FOXP2: variants seen among roughly 807,000 people sequenced by gnomAD.
FOXP2 encodes forkhead box P2, also known as forkhead box protein P2.
Under a neutral mutation model 115.8 loss-of-function variants are expected in FOXP2, and 12 were observed. That is an observed-to-expected ratio of 0.10 (90% CI 0.07 to 0.17). The LOEUF is 0.17. FOXP2 is among the 10% of genes least tolerant of loss of function. The pLI, the probability that FOXP2 is intolerant of heterozygous loss-of-function variation, is 1.00. For synonymous variants in FOXP2, 328 were observed against 297.7 expected, an observed-to-expected ratio of 1.10 and a Z score of -1.05; for missense variants, 629 against 843.5, an observed-to-expected ratio of 0.75 and a Z score of 3.15.
intron 6 of FOXP2, among the ~76,000 whole-genome samples, chr7:114,635,951 CT>C (rs1487011612): frequency 6.6e-6 from 1 of 152,114 alleles, no homozygotes; most frequent in East Asian, 1.9e-4. Context: ...CCAGAAGTTC[CT>C]TCTTTGGAGA....
chr7:114,646,682 T>C (rs1805920409), intron 8 of FOXP2, among the ~76,000 whole-genome samples: 1 of 152,034 alleles, frequency 6.6e-6, no homozygotes, highest in African/African-American at 2.4e-5. Flanking sequence ...TGATAAATTC[T>C]GTTAACAGAG....
intron 1 of FOXP2, among the ~76,000 whole-genome samples, chr7:114,220,288 C>T (rs111318239): frequency 2.6e-5 from 4 of 151,782 alleles, no homozygotes; most frequent in South Asian, 4.2e-4. Context: ...ATAAACCTAC[C>T]GAATTATACA....
intron 2 of FOXP2, among the ~76,000 whole-genome samples, chr7:114,481,812 A>C (rs202156142): frequency 8.5e-4 from 106 of 125,226 alleles, no homozygotes; most frequent in African/African-American, 1.2e-3. Context: ...ATCTATCTAT[A>C]TATCTATCTA....
intron 2 of FOXP2, among the ~76,000 whole-genome samples, chr7:114,523,192 A>T (rs1316395840): frequency 6.6e-6 from 1 of 152,172 alleles, no homozygotes; most frequent in Non-Finnish European, 1.5e-5. Flanking sequence ...TTATTCAGAG[A>T]TCATCAATGA....
At chr7:114,565,930 T>C (rs1157062075) in intron 3 of FOXP2, among the ~76,000 whole-genome samples, 1 of 152,202 alleles carries the variant, frequency 6.6e-6, no homozygotes, top group Non-Finnish European at 1.5e-5. Context: ...TTTTCAAGTA[T>C]GATTTCTCTT....
At chr7:114,642,299 G>A in intron 6 of FOXP2, 111 bp from the exon 7 acceptor site, 1 of 809,668 alleles carries the variant, frequency 1.2e-6, no homozygotes, top group Non-Finnish European at 2.1e-6. Flanking sequence ...ATTAATTTAT[G>A]CAGGTAACAT....
At chr7:114,189,106 T>C (rs1469548805) in intron 1 of FOXP2, among the ~76,000 whole-genome samples, 1 of 152,174 alleles carries the variant, frequency 6.6e-6, no homozygotes, top group South Asian at 2.1e-4. Flanking sequence ...CTTCCTTTCA[T>C]CTGCTACACC....
intron 1 of FOXP2, among the ~76,000 whole-genome samples, chr7:114,256,783 A>G (rs1358012387): frequency 6.6e-6 from 1 of 152,248 alleles, no homozygotes; most frequent in African/African-American, 2.4e-5. Flanking sequence ...ACTCTGCTCA[A>G]GGAAATCAGA....
intron 2 of FOXP2, among the ~76,000 whole-genome samples, chr7:114,524,345 T>C (rs905155008): frequency 1.3e-5 from 2 of 152,214 alleles, no homozygotes; most frequent in African/African-American, 2.4e-5. Context: ...GAATTATTTA[T>C]GTTGTTCTAG....
rs751020343 is a variant in FOXP2, at chr7:114,426,689, G to C, written c.168+10G>C. ...TCTGCAACAACAGCAGGTAAGTTTTGTTTTCCTCAGTGCTTCCTTAAAACA... is the reference window on the plus strand; with the variant it reads ...TCTGCAACAACAGCAGGTAAGTTTTCTTTTCCTCAGTGCTTCCTTAAAACA... On this transcript the variant is annotated intron_variant, in intron 2 of 16. Transcript: ENST00000350908. 1.9e-6 allele frequency: 3 copies of C among 1,610,198 alleles called. No homozygotes were observed. The highest frequency in any genetic ancestry group is 2.5e-6 in the Non-Finnish European group (3 of 1,177,514).
chr7:114,585,693 C>G (rs1029045138), intron 3 of FOXP2, among the ~76,000 whole-genome samples: 6 of 151,936 alleles, frequency 3.9e-5, no homozygotes, highest in Admixed American at 3.3e-4. Flanking sequence ...GATGAAACCC[C>G]GTCTCTACCA....
chr7:114,464,554 T>G (rs1410402899), intron 2 of FOXP2, among the ~76,000 whole-genome samples: 2 of 152,202 alleles, frequency 1.3e-5, no homozygotes, highest in Non-Finnish European at 2.9e-5. Flanking sequence ...TAGATCATAA[T>G]TAGTTGAACA....
chr7:114,677,180 A>AAAAAC (rs1554443473), intron 16 of FOXP2, among the ~76,000 whole-genome samples: 42 of 147,996 alleles, frequency 2.8e-4, no homozygotes, highest in Non-Finnish European at 3.7e-4. Flanking sequence ...AACAAAAAAA[A>AAAAAC]AAAAAACAAA....
chr7:114,458,323 A>T (rs1795408907), intron 2 of FOXP2, among the ~76,000 whole-genome samples: 1 of 151,994 alleles, frequency 6.6e-6, no homozygotes, highest in African/African-American at 2.4e-5. Context: ...TGATTGTAAG[A>T]ATTTGCATAA....
intron 3 of FOXP2, among the ~76,000 whole-genome samples, chr7:114,602,669 G>C (rs1048087995): frequency 2.0e-5 from 3 of 152,026 alleles, no homozygotes; most frequent in African/African-American, 7.2e-5. Context: ...TTTCAATATG[G>C]AGACAACAAA....
intron 1 of FOXP2, among the ~76,000 whole-genome samples, chr7:114,123,935 T>C (rs970568809): frequency 6.6e-6 from 1 of 152,098 alleles, no homozygotes; most frequent in Non-Finnish European, 1.5e-5. Flanking sequence ...TAAAAAACTT[T>C]TGACAACTTG....
intron 3 of FOXP2, among the ~76,000 whole-genome samples, chr7:114,536,356 G>C (rs1799391048): frequency 6.7e-6 from 1 of 149,916 alleles, no homozygotes; most frequent in South Asian, 2.1e-4. Context: ...TGGTTACCAG[G>C]GTATCTCTGG....
intron 3 of FOXP2, among the ~76,000 whole-genome samples, chr7:114,557,774 G>C (rs913087551): frequency 1.3e-5 from 2 of 150,754 alleles, no homozygotes; most frequent in Admixed American, 1.3e-4. Context: ...CAAGAATTTT[G>C]ACACTGAACT....
At chr7:114,249,479 C>T (rs376192679) in intron 1 of FOXP2, among the ~76,000 whole-genome samples, 3 of 151,930 alleles carry the variant, frequency 2.0e-5, no homozygotes, top group East Asian at 3.9e-4. Flanking sequence ...GTTTTCTGTT[C>T]CTGTGTTAGT....
Sources: gnomAD v4.1 joint callset for allele counts (sites outside exome capture counted in the v4.1 genomes callset) on GRCh38, gnomAD v4.1.1 for gene constraint, MANE v1.5 for transcripts, NCBI Gene and HGNC (gene_info 2026-07-23, HGNC 2026-07-21) for gene names.